The following NALCN variants were observed in gnomAD, a reference collection of about 807,000 sequenced individuals.
NALCN encodes sodium leak channel NALCN.
NALCN carries 111 observed loss-of-function variants against 225.3 expected under a neutral mutation model. The ratio of observed to expected loss-of-function variants is 0.49; its 90% CI spans 0.42 to 0.58. The LOEUF (loss-of-function observed/expected upper bound fraction) is 0.58, where lower values mean the gene tolerates loss of function less well. Among genes scored for constraint, NALCN ranks in the 20% least tolerant of loss-of-function variants. The pLI is 0.00. For missense variants in NALCN, 1,378 were observed against 2,202.4 expected (o/e 0.63, Z 7.49); for synonymous variants, 764 against 769.0 (o/e 0.99, Z 0.11).
intron 6 of NALCN, among the ~76,000 whole-genome samples, chr13:101,356,177 A>G (rs139426357): frequency 0.032 from 4,918 of 152,248 alleles, 267 homozygotes; most frequent in African/African-American, 0.11. Context: ...CTAGCAGAAG[A>G]CAAGAAATAA....
chr13:101,075,838 G>A lies in NALCN; in HGVS notation c.3954+35C>T, dbSNP rs1217879293. On this transcript the variant is annotated intron_variant, in intron 35 of 43. Transcript: ENST00000251127. Reference sequence around the variant, plus strand: ...ACCATTCTTTCATTAACACATATATGACCTTTAAGATAAGATTCTTAACAA... The same window carrying A: ...ACCATTCTTTCATTAACACATATATAACCTTTAAGATAAGATTCTTAACAA... 3.2e-6 allele frequency: 5 copies of A among 1,551,720 alleles called. No homozygotes were observed. The African/African-American group carries it at 6.9e-5, about 21-fold the overall frequency.
Position 101,214,011 on chromosome 13 carries a change from C to T in NALCN, c.1626+15382G>A, listed in dbSNP as rs907703137. 3.7e-4 allele frequency among the ~76,000 whole-genome samples: 57 copies of T among 152,262 alleles called. 1 individual carries two copies. Among genetic ancestry groups the T allele is most frequent in the Admixed American group, 3.4e-3 (52 of 15,288 alleles). ...ATGCACACGTATGTTTATTGTGGCA[C>T]TATTCACAATAGCAAAGACTTGGAA... is the stretch of plus-strand genomic sequence containing the variant. On this transcript the variant is annotated intron_variant, in intron 13 of 43. Coordinates refer to ENST00000251127, the MANE Select transcript of NALCN (RefSeq NM_052867.4).
At chr13:101,144,070 C>A (rs1174032061) in intron 16 of NALCN, among the ~76,000 whole-genome samples, 1 of 152,158 alleles carries the variant, frequency 6.6e-6, no homozygotes, top group Non-Finnish European at 1.5e-5. Flanking sequence ...TAACCCCCCA[C>A]AGAATTATTT....
intron 6 of NALCN, among the ~76,000 whole-genome samples, chr13:101,369,951 T>C (rs574746193): frequency 6.6e-6 from 1 of 152,208 alleles, no homozygotes; most frequent in Non-Finnish European, 1.5e-5. Context: ...TTTTTCTATT[T>C]TTTAGCCATT....
chr13:101,272,577 T>C (rs545000484), intron 10 of NALCN, among the ~76,000 whole-genome samples: 1 of 152,156 alleles, frequency 6.6e-6, no homozygotes, highest in South Asian at 2.1e-4. Context: ...AATATGAAGA[T>C]GGAGTGGAGA....
intron 1 of NALCN, among the ~76,000 whole-genome samples, chr13:101,406,987 A>G (rs1381993943): frequency 6.6e-6 from 1 of 152,236 alleles, no homozygotes; most frequent in Non-Finnish European, 1.5e-5. Context: ...AAACTAAAAA[A>G]TAGATTCCAC....
intron 11 of NALCN, among the ~76,000 whole-genome samples, chr13:101,253,485 T>G (rs1187342532): frequency 6.6e-6 from 1 of 152,230 alleles, no homozygotes; most frequent in African/African-American, 2.4e-5. Flanking sequence ...TGCATCATTA[T>G]AGTCTATAAA....
At chr13:101,227,984 T>A (rs1165538525) in intron 13 of NALCN, among the ~76,000 whole-genome samples, 1 of 152,186 alleles carries the variant, frequency 6.6e-6, no homozygotes, top group African/African-American at 2.4e-5. Flanking sequence ...GACTTTTCCA[T>A]GCCTGGGAAT....
intron 1 of NALCN, among the ~76,000 whole-genome samples, chr13:101,412,884 T>C (rs1368461892): frequency 1.3e-5 from 2 of 152,240 alleles, no homozygotes; most frequent in African/African-American, 4.8e-5. Context: ...CAGCCAATTT[T>C]CTAAAGGAAC....
At chr13:101,412,790 A>T (rs1470864833) in intron 1 of NALCN, among the ~76,000 whole-genome samples, 1 of 152,200 alleles carries the variant, frequency 6.6e-6, no homozygotes, top group Non-Finnish European at 1.5e-5. Context: ...GGGGGTACAG[A>T]TTTCTCACTA....
rs569942059 is a variant in NALCN at position 101,106,211 on chromosome 13, A to C, written c.2580-1261T>G. Among the ~76,000 whole-genome samples the C allele has an allele frequency of 3.2e-4, 48 of 152,214 alleles. 1 individual carries two copies. In the South Asian group the frequency reaches 1.0e-2, roughly 32 times the overall value. ...GTCCAAATGTTCTCTTAAGGAAACCAATCATATTAGATTAGGGCCCACCCT... is the reference window on the plus strand; with the variant it reads ...GTCCAAATGTTCTCTTAAGGAAACCCATCATATTAGATTAGGGCCCACCCT... On this transcript the variant is annotated intron_variant, in intron 22 of 43. Coordinates refer to ENST00000251127, the MANE Select transcript of NALCN (RefSeq NM_052867.4).
intron 1 of NALCN, among the ~76,000 whole-genome samples, chr13:101,411,490 G>A (rs1193733388): frequency 2.6e-5 from 4 of 151,940 alleles, no homozygotes; most frequent in Non-Finnish European, 5.9e-5. Context: ...TGAGATTACA[G>A]GTGCCCACCA....
intron 6 of NALCN, among the ~76,000 whole-genome samples, chr13:101,374,000 AAAT>A (rs1266127837): frequency 7.9e-5 from 12 of 152,156 alleles, no homozygotes; most frequent in Admixed American, 2.6e-4. Context: ...TAATAGGGGA[AAAT>A]AATAATATGT....
At chr13:101,182,651 A>C (rs2039286590) in intron 14 of NALCN, among the ~76,000 whole-genome samples, 1 of 152,158 alleles carries the variant, frequency 6.6e-6, no homozygotes, top group African/African-American at 2.4e-5. Flanking sequence ...GTGGACTTTC[A>C]GATTGATCCT....
At position 101,091,750 on chromosome 13, in the gene NALCN, C is replaced by T. The variant is rs115671532; in HGVS notation, c.3270-1784G>A. ...AAGCAAGTGAACCGGTTCTCAGAGC[C>T]GGTGTTGGACTTCCTTACCTGCTCA... is the stretch of plus-strand genomic sequence containing the variant. On this transcript the variant is annotated intron_variant, in intron 28 of 43. Coordinates refer to ENST00000251127, the MANE Select transcript of NALCN (RefSeq NM_052867.4). Among the ~76,000 whole-genome samples the T allele has an allele frequency of 9.3e-3, 1,409 of 152,176 alleles. 27 individuals are homozygous for T. Among genetic ancestry groups the T allele is most frequent in the African/African-American group, 0.032 (1,323 of 41,500 alleles).
At chr13:101,230,151 A>G (rs1480076423) in intron 12 of NALCN, among the ~76,000 whole-genome samples, 1 of 152,216 alleles carries the variant, frequency 6.6e-6, no homozygotes, top group African/African-American at 2.4e-5. Context: ...TTCCCAGGAT[A>G]TCTCATTATG....
intron 7 of NALCN, among the ~76,000 whole-genome samples, chr13:101,297,608 T>TG (rs1262760154): frequency 6.6e-6 from 1 of 152,180 alleles, no homozygotes; most frequent in Non-Finnish European, 1.5e-5. Context: ...GAACCTCTCT[T>TG]GGGCTTGCAA....
chr13:101,322,611 T>C (rs1043924254), intron 7 of NALCN, among the ~76,000 whole-genome samples: 1 of 152,234 alleles, frequency 6.6e-6, no homozygotes, highest in Non-Finnish European at 1.5e-5. Flanking sequence ...TTTAGTTTCA[T>C]CTCTAACCTC....
chr13:101,132,686 A>G (rs570522011), intron 17 of NALCN, among the ~76,000 whole-genome samples: 3 of 152,144 alleles, frequency 2.0e-5, no homozygotes, highest in Admixed American at 6.5e-5. Context: ...GTTCACTCAG[A>G]TAATAAATTG....
Sources: gnomAD v4.1 joint callset for allele counts (sites outside exome capture counted in the v4.1 genomes callset) on GRCh38, gnomAD v4.1.1 for gene constraint, MANE v1.5 for transcripts, NCBI Gene and HGNC (gene_info 2026-07-23, HGNC 2026-07-21) for gene names.